The following ALK variants were observed in gnomAD, a reference collection of about 807,000 sequenced individuals.
The protein encoded by ALK is ALK tyrosine kinase receptor.
Under a neutral mutation model 163.1 loss-of-function variants are expected in ALK, and 74 were observed. That is an observed-to-expected ratio of 0.45 (90% confidence interval 0.38 to 0.55). The LOEUF (loss-of-function observed/expected upper bound fraction) is 0.55, where lower values mean the gene tolerates loss of function less well. Ranked by LOEUF, ALK falls within the 20% of genes least tolerant of loss-of-function variation. ALK has a pLI of 0.00. For missense variants in ALK, 2,063 were observed against 2,105.3 expected, an observed-to-expected ratio of 0.98 and a Z score of 0.39; for synonymous variants, 960 against 843.2, an observed-to-expected ratio of 1.14 and a Z score of -2.40.
chr2:29,401,293 C>T (rs1476914311), intron 4 of ALK, among the ~76,000 whole-genome samples: 1 of 152,084 alleles, frequency 6.6e-6, no homozygotes, highest in Non-Finnish European at 1.5e-5. Context: ...TGGTGAGAGT[C>T]TCTTTCGAAT....
intron 10 of ALK, 25 bp from the exon 11 acceptor site, chr2:29,275,252 C>T (rs1236959805): frequency 1.2e-6 from 2 of 1,613,916 alleles, no homozygotes; most frequent in Non-Finnish European, 1.7e-6. Flanking sequence ...ACCCCACGGG[C>T]TGAGTTAGGT....
At chr2:29,485,004 G>A (rs1457099238) in intron 4 of ALK, among the ~76,000 whole-genome samples, 3 of 151,850 alleles carry the variant, frequency 2.0e-5, no homozygotes, top group East Asian at 3.9e-4. Context: ...ACTATAATTT[G>A]TCTAGGAGTA....
At chr2:29,717,843 T>C (rs748005930) in intron 1 of ALK, 146 bp from the exon 2 acceptor site, 3 of 985,336 alleles carry the variant, frequency 3.0e-6, no homozygotes, top group Non-Finnish European at 4.8e-6. Context: ...GAGCCACCAG[T>C]AGACTGAGTT....
rs760048406 is a variant in ALK at position 29,193,738 on chromosome 2, C to G, written c.4349G>C (p.Gly1450Ala). 4 of 1,602,700 alleles carry G rather than the reference C, an allele frequency of 2.5e-6. No individual in the cohort carries two copies. The South Asian group carries it at 4.5e-5, about 18-fold the overall frequency. Residue 1450 changes from glycine to alanine, a missense_variant, in exon 29 of 29, where the codon GGC becomes GCC. This residue lies in a region of ALK where 403 missense variants were observed against 366.2 expected (regional missense o/e 1.10). Coordinates refer to ENST00000389048, the MANE Select transcript of ALK (RefSeq NM_004304.5). ...APPPLPTTSS[G>A]KAAKKPTAAE... ...AGCTGTGGGTTTCTTTGCAGCCTTG[C>G]CAGAGGAGGTGGTAGGCAGAGGTGG...
chr2:29,614,487 C>T (rs1359127361), intron 3 of ALK, among the ~76,000 whole-genome samples: 3 of 152,196 alleles, frequency 2.0e-5, no homozygotes, highest in African/African-American at 7.2e-5. Flanking sequence ...CTAAGATTCC[C>T]CTCTCTGTAG....
chr2:29,870,536 G>T (rs1005171506), intron 1 of ALK, among the ~76,000 whole-genome samples: 1 of 152,126 alleles, frequency 6.6e-6, no homozygotes, highest in African/African-American at 2.4e-5. Flanking sequence ...TGGGGACATA[G>T]AGCCAAACCA....
chr2:29,607,819 C>T (rs984552812), intron 3 of ALK, among the ~76,000 whole-genome samples: 30 of 152,002 alleles, frequency 2.0e-4, no homozygotes, highest in Admixed American at 1.2e-3. Context: ...TCATCTCATC[C>T]TGTCTCGTGG....
At chr2:29,917,515 T>C (rs140997282) in intron 1 of ALK, among the ~76,000 whole-genome samples, 6 of 152,362 alleles carry the variant, frequency 3.9e-5, no homozygotes, top group Non-Finnish European at 8.8e-5. Context: ...TAATGATACA[T>C]GTTGTCTGAA....
chr2:29,751,809 C>A (rs77625469), intron 1 of ALK, among the ~76,000 whole-genome samples: 1 of 152,186 alleles, frequency 6.6e-6, no homozygotes, highest in African/African-American at 2.4e-5. Flanking sequence ...CAGTTCCCAG[C>A]TCAAGTATTC....
At chr2:29,477,396 G>T (rs1355177830) in intron 4 of ALK, among the ~76,000 whole-genome samples, 1 of 152,138 alleles carries the variant, frequency 6.6e-6, no homozygotes, top group African/African-American at 2.4e-5. Context: ...TTGTGGTGAG[G>T]ATTTACTGAG....
chr2:29,917,002 C>T (rs1667853340), intron 1 of ALK, among the ~76,000 whole-genome samples: 1 of 152,220 alleles, frequency 6.6e-6, no homozygotes, highest in African/African-American at 2.4e-5. Flanking sequence ...CAGTAACCCA[C>T]AAGGAAAAAC....
intron 13 of ALK, among the ~76,000 whole-genome samples, chr2:29,238,027 G>A (rs992256507): frequency 6.6e-6 from 1 of 152,182 alleles, no homozygotes; most frequent in Non-Finnish European, 1.5e-5. Context: ...GGCTGTGTAT[G>A]TGCACATGTG....
At chr2:29,553,553 C>G (rs921390113) in intron 3 of ALK, among the ~76,000 whole-genome samples, 1 of 152,272 alleles carries the variant, frequency 6.6e-6, no homozygotes, top group South Asian at 2.1e-4. Context: ...GTCTGTCTCT[C>G]TCATGAAACA....
chr2:29,753,522 A>T (rs778138734), intron 1 of ALK, among the ~76,000 whole-genome samples: 1 of 152,294 alleles, frequency 6.6e-6, no homozygotes, highest in Non-Finnish European at 1.5e-5. Context: ...AAAAATAAAG[A>T]TTGTTTACAG....
intron 5 of ALK, among the ~76,000 whole-genome samples, chr2:29,376,488 G>T (rs1412503276): frequency 6.6e-6 from 1 of 152,192 alleles, no homozygotes; most frequent in Non-Finnish European, 1.5e-5. Flanking sequence ...TCAGTCCTAA[G>T]ACAGAAACAA....
At chr2:29,420,456 TTATTCACATTTGAG>T (rs1669989086) in intron 4 of ALK, among the ~76,000 whole-genome samples, 1 of 151,512 alleles carries the variant, frequency 6.6e-6, no homozygotes, top group Non-Finnish European at 1.5e-5. Flanking sequence ...TATTCAGCGG[TTATTCACATTTGAG>T]GAACGCATTC....
intron 4 of ALK, among the ~76,000 whole-genome samples, chr2:29,500,902 T>A (rs542565575): frequency 6.6e-6 from 1 of 152,156 alleles, no homozygotes; most frequent in Admixed American, 6.5e-5. Flanking sequence ...CCCTACCACA[T>A]TGACACAACC....
chr2:29,202,550 G>T (rs962859174), intron 26 of ALK, among the ~76,000 whole-genome samples: 1 of 152,156 alleles, frequency 6.6e-6, no homozygotes, highest in African/African-American at 2.4e-5. Context: ...TCCTACAATT[G>T]TATGTTTCAC....
intron 5 of ALK, among the ~76,000 whole-genome samples, chr2:29,373,807 C>T (rs1558699198): frequency 6.6e-6 from 1 of 152,174 alleles, no homozygotes; most frequent in African/African-American, 2.4e-5. Context: ...GTGTGACAGG[C>T]ATTTGAAAAG....
Sources: gnomAD v4.1 joint callset for allele counts (sites outside exome capture counted in the v4.1 genomes callset) on GRCh38, gnomAD v4.1.1 for gene constraint, gnomAD v4.1.1 regional missense constraint, MANE v1.5 for transcripts, NCBI Gene and HGNC (gene_info 2026-07-23, HGNC 2026-07-21) for gene names.